The following CFAP47 variants were observed in gnomAD, a reference collection of about 807,000 sequenced individuals.
CFAP47 encodes cilia- and flagella-associated protein 47.
A neutral mutation model predicts 148.1 loss-of-function variants in CFAP47; 29 were observed. The ratio of observed to expected loss-of-function variants is 0.20; its 90% confidence interval spans 0.15 to 0.27. The LOEUF is 0.27. Ranked by LOEUF, CFAP47 falls within the 10% of genes least tolerant of loss-of-function variation. The pLI is 1.00. For synonymous variants in CFAP47, 664 were observed against 577.3 expected (o/e 1.15, Z -2.15); for missense variants, 1,872 against 1,697.5 (o/e 1.10, Z -1.81).
At chrX:36,336,238 CACACAG>C (rs1165855701) in intron 57 of CFAP47, among the ~76,000 whole-genome samples, 29 of 73,421 alleles carry the variant, frequency 3.9e-4, no homozygotes, top group Non-Finnish European at 5.5e-4. Context: ...CTGTCACAGA[CACACAG>C]ACACACACAC....
chrX:35,924,192 T>C (rs757426657), intron 1 of CFAP47, among the ~76,000 whole-genome samples: 1 of 105,328 alleles, frequency 9.5e-6, no homozygotes, highest in Admixed American at 9.9e-5. Context: ...TACATGTATG[T>C]GTATATATGG....
chrX:36,349,780 A>G (rs1276611270), intron 58 of CFAP47, among the ~76,000 whole-genome samples: 2 of 111,505 alleles, frequency 1.8e-5, no homozygotes, highest in East Asian at 5.7e-4. Flanking sequence ...TAAAGTAGGG[A>G]AAAAAGCTCT....
chrX:36,199,878 T>C (rs1408466225), intron 42 of CFAP47, among the ~76,000 whole-genome samples: 1 of 111,525 alleles, frequency 9.0e-6, no homozygotes, highest in Non-Finnish European at 1.9e-5. Context: ...GTTAATCAAA[T>C]AAAAGATTCT....
chrX:36,315,819 A>G (rs1602105356), intron 56 of CFAP47, among the ~76,000 whole-genome samples: 1 of 111,366 alleles, frequency 9.0e-6, no homozygotes, highest in East Asian at 2.8e-4. Context: ...CCACAGTAGT[A>G]ACTTCCTTTA....
intron 42 of CFAP47, among the ~76,000 whole-genome samples, chrX:36,199,538 G>A (rs1447778797): frequency 1.8e-5 from 2 of 111,887 alleles, no homozygotes; most frequent in Non-Finnish European, 3.8e-5. Flanking sequence ...CTTCCAGGTC[G>A]CCTTGGGTAG....
At chrX:36,080,241 A>G (rs976232200) in intron 29 of CFAP47, among the ~76,000 whole-genome samples, 1 of 111,955 alleles carries the variant, frequency 8.9e-6, no homozygotes, top group East Asian at 2.8e-4. Context: ...ATACCATCTC[A>G]CATCCATTAG....
chrX:36,243,781 CACTG>C (rs1185382168), intron 48 of CFAP47, among the ~76,000 whole-genome samples: 1 of 105,511 alleles, frequency 9.5e-6, no homozygotes, highest in Non-Finnish European at 2.0e-5. Flanking sequence ...TTCAACGCCC[CACTG>C]ACAGCATTAG....
intron 39 of CFAP47, among the ~76,000 whole-genome samples, chrX:36,173,956 A>G (rs1275571178): frequency 9.0e-6 from 1 of 111,085 alleles, no homozygotes; most frequent in Non-Finnish European, 1.9e-5. Flanking sequence ...TAGGTCACTC[A>G]GGACTTGCTT....
chrX:36,074,954 C>T (rs1937819725), intron 29 of CFAP47, among the ~76,000 whole-genome samples: 1 of 110,907 alleles, frequency 9.0e-6, no homozygotes, highest in South Asian at 3.7e-4. Flanking sequence ...TTGTCAAAAA[C>T]TACTGGATTT....
chrX:36,234,133 C>T lies in CFAP47; in HGVS notation c.7015-1801C>T, dbSNP rs1940415345. On this transcript the variant is annotated intron_variant, in intron 46 of 63. Coordinates refer to ENST00000378653, the MANE Select transcript of CFAP47 (RefSeq NM_001304548.2). ...TCGAGGAGTATCTTTGTGGCGTTCT[C>T]TGTATTTCCTGAATCTGAATGTTGG... Among the ~76,000 whole-genome samples the T allele has an allele frequency of 4.6e-5, 5 of 108,663 alleles. No homozygotes were observed. The South Asian group carries it at 1.7e-3, about 36-fold the overall frequency. 94.4% of individuals were successfully genotyped at this position (108,663 alleles called of 115,157 possible).
intron 39 of CFAP47, among the ~76,000 whole-genome samples, chrX:36,164,266 G>T (rs1230436308): frequency 9.0e-6 from 1 of 110,811 alleles, no homozygotes; most frequent in Admixed American, 9.7e-5. Flanking sequence ...TAATTAAAAG[G>T]GCAGTATTTA....
rs181067515 is a variant in CFAP47, at chrX:36,183,734, G to A, written c.6104+4312G>A. ...ATTCATCACACATTTTATGTTGTGGGGACATGATCCATGAGCATAATTAGA... is the reference window on the plus strand; with the variant it reads ...ATTCATCACACATTTTATGTTGTGGAGACATGATCCATGAGCATAATTAGA... On this transcript the variant is annotated intron_variant, in intron 40 of 63. Coordinates refer to ENST00000378653, the MANE Select transcript of CFAP47 (RefSeq NM_001304548.2). 5.4e-5 allele frequency among the ~76,000 whole-genome samples: 6 copies of A among 111,533 alleles called. No homozygotes were observed. In the East Asian group the frequency reaches 1.7e-3, roughly 32 times the overall value.
chrX:36,023,427 T>C (rs1601936074), intron 22 of CFAP47, among the ~76,000 whole-genome samples: 1 of 111,297 alleles, frequency 9.0e-6, no homozygotes, highest in Non-Finnish European at 1.9e-5. Context: ...AGCACTCAGT[T>C]TCACCCAATG....
chrX:36,087,175 G>A (rs1938103362), intron 30 of CFAP47, among the ~76,000 whole-genome samples: 1 of 111,956 alleles, frequency 8.9e-6, no homozygotes, highest in African/African-American at 3.3e-5. Flanking sequence ...ACAATTTGAG[G>A]AACCCTTCTA....
chrX:36,172,908 G>A (rs1286088532), intron 39 of CFAP47, among the ~76,000 whole-genome samples: 7 of 111,075 alleles, frequency 6.3e-5, no homozygotes, highest in African/African-American at 2.3e-4. Flanking sequence ...GGTAGAATTC[G>A]GCTGTGAATC....
chrX:36,336,254 C>G (rs868974175), intron 57 of CFAP47, among the ~76,000 whole-genome samples: 1,314 of 87,261 alleles, frequency 0.015, 6 homozygotes, highest in Middle Eastern at 0.027. Context: ...GACACACACA[C>G]ACACACACAC....
chrX:35,919,994 T>C lies in CFAP47; in HGVS notation c.195T>C (p.His65=), dbSNP rs201154448. ...GRVYRLPITV[H]NICRWNQKIR... ...TGTACCGCCTCCCGATTACTGTGCA[T>C]AATATTTGCCGCTGGAACCAGAAAA... The change falls in exon 1 of 64, where the codon CAT becomes CAC. Residue 65 remains histidine, a synonymous_variant. Transcript: ENST00000378653. 9 of 1,203,021 alleles carry C rather than the reference T, an allele frequency of 7.5e-6. No homozygotes were observed. The highest frequency in any genetic ancestry group is 1.0e-5 in the Non-Finnish European group (9 of 889,590).
At chrX:36,295,651 T>A (rs1016655876) in intron 51 of CFAP47, among the ~76,000 whole-genome samples, 5 of 111,906 alleles carry the variant, frequency 4.5e-5, no homozygotes, top group Non-Finnish European at 9.4e-5. Flanking sequence ...TCAAATACTT[T>A]AAAAATGTAA....
intron 60 of CFAP47, among the ~76,000 whole-genome samples, chrX:36,359,834 T>C (rs1315161689): frequency 9.0e-6 from 1 of 111,197 alleles, no homozygotes; most frequent in Non-Finnish European, 1.9e-5. Context: ...CACTGCAAAC[T>C]CTGCCTCCCG....
Sources: gnomAD v4.1 joint callset for allele counts (sites outside exome capture counted in the v4.1 genomes callset) on GRCh38, gnomAD v4.1.1 for gene constraint, MANE v1.5 for transcripts, NCBI Gene and HGNC (gene_info 2026-07-23, HGNC 2026-07-21) for gene names.